Variants in KCNJ5 observed in about 807,000 individuals in gnomAD.
KCNJ5 encodes the protein G protein-activated inward rectifier potassium channel 4.
A neutral mutation model predicts 20.2 loss-of-function variants in KCNJ5; 12 were observed. That is an observed-to-expected ratio of 0.59 (90% CI 0.38 to 0.96). The LOEUF (loss-of-function observed/expected upper bound fraction) is 0.96, where lower values mean the gene tolerates loss of function less well. KCNJ5 is among the 40% of genes least tolerant of loss of function. The probability of loss-of-function intolerance (pLI) is 0.00; values close to 1 mark genes in which losing one functional copy is unlikely to be tolerated. For missense variants in KCNJ5, 449 were observed against 557.6 expected, an observed-to-expected ratio of 0.81 and a Z score of 1.96; for synonymous variants, 210 against 213.9, an observed-to-expected ratio of 0.98 and a Z score of 0.16.
At chr11:128,902,353 A>G (rs1944298914) in intron 1 of KCNJ5, 3 of 660,374 alleles carry the variant, frequency 4.5e-6, no homozygotes, top group Non-Finnish European at 7.7e-6. Flanking sequence ...ATCTCTCCCC[A>G]TTGAGACCAT....
intron 1 of KCNJ5, chr11:128,902,618 C>G (rs1944308093): frequency 6.2e-7 from 1 of 1,613,870 alleles, no homozygotes; most frequent in South Asian, 1.1e-5. Context: ...GCGGCCCTCT[C>G]TACTATCATG....
rs777515831 is a variant in KCNJ5 at position 128,916,674 on chromosome 11, T to G, written c.1203T>G (p.Asn401Lys). ...GGCTGGATGCAGAGGCTGAGCAGAATGAAGAAGATGAGCCCAAGGGGCTGG... is the reference window on the plus strand; with the variant it reads ...GGCTGGATGCAGAGGCTGAGCAGAAGGAAGAAGATGAGCCCAAGGGGCTGG... The part of the protein sequence containing the change: ...EAGLDAEAEQ[N>K]EEDEPKGLGG... The change falls in exon 3 of 3, where the codon AAT becomes AAG. Residue 401 changes from asparagine (N) to lysine (K), a missense_variant. Transcript: ENST00000529694. The G allele has an allele frequency of 1.7e-5, 27 of 1,611,422 alleles. No homozygotes were observed. The highest frequency in any genetic ancestry group is 1.7e-4 in the Middle Eastern group (1 of 6,050).
rs560126752 is a variant in KCNJ5 at position 128,911,860 on chromosome 11, G to T, written c.587G>T (p.Arg196Ile). The T allele has an allele frequency of 6.2e-7, 1 of 1,613,502 alleles. No individual in the cohort carries two copies. Among genetic ancestry groups the T allele is most frequent in the African/African-American group, 1.3e-5 (1 of 75,042 alleles). The change falls in exon 2 of 3, where the codon AGA becomes ATA. Residue 196 changes from arginine (R) to isoleucine (I), a missense_variant. Physicochemically the swap from Arg to Ile is moderately conservative, Grantham distance 97. Coordinates refer to ENST00000529694, the MANE Select transcript of KCNJ5 (RefSeq NM_000890.5). The surrounding 1 kb of genome is among the most constrained non-coding windows in gnomAD (Gnocchi z 6.3). Reference sequence around the variant, plus strand: ...GTCAAGATCAGCCAGCCCAAGAAGAGAGCGGAGACCCTCATGTTTTCCAAC... The same window carrying T: ...GTCAAGATCAGCCAGCCCAAGAAGATAGCGGAGACCCTCATGTTTTCCAAC... ...MFVKISQPKK[R>I]AETLMFSNNA...
At chr11:128,904,445 T>G (rs1344706897) in intron 1 of KCNJ5, 6 of 1,614,180 alleles carry the variant, frequency 3.7e-6, no homozygotes, top group Non-Finnish European at 5.1e-6. Flanking sequence ...TGGAGTCACC[T>G]GGGGCCAGAT....
At chr11:128,904,712 C>T (rs1944365725) in intron 1 of KCNJ5, 2 of 600,030 alleles carry the variant, frequency 3.3e-6, no homozygotes, top group Admixed American at 2.8e-5. Context: ...ATCCCCAGAG[C>T]TCAACATAAT....
chr11:128,915,867 GTGGA>G (rs71057908), intron 2 of KCNJ5, among the ~76,000 whole-genome samples: 114,221 of 149,558 alleles, frequency 0.76, 43,850 homozygotes, highest in African/African-American at 0.86. Flanking sequence ...AGGTAGATGA[GTGGA>G]TGGATGGATG....
chr11:128,891,792 C>T (rs1345571059), intron 1 of KCNJ5, 71 bp downstream of exon 1: 1 of 152,328 alleles, frequency 6.6e-6, no homozygotes, highest in African/African-American at 2.4e-5. Context: ...ATGACACCCT[C>T]AGGTGTCCAT....
rs1215884357 is a variant in KCNJ5, at chr11:128,891,425, CACACACACACACACACAGAGAG to C, written c.-305_-284del. On this transcript the variant is annotated 5_prime_UTR_variant, in exon 1 of 3. Coordinates refer to ENST00000529694, the MANE Select transcript of KCNJ5 (RefSeq NM_000890.5). ...ACACACACACACACACACACACACA[CACACACACACACACACAGAGAG>C]AGAGAGAGAGAGAGAGAGAGAGAGA... The C allele has an allele frequency of 1.9e-5, 2 of 106,478 alleles. No individual in the cohort carries two copies. The highest frequency in any genetic ancestry group is 9.6e-5 in the Admixed American group (1 of 10,462). 6.6% of individuals were successfully genotyped at this position (106,478 alleles called of 1,614,324 possible). A position where few individuals can be genotyped will look rare whatever the true frequency, so the allele number is the denominator to read the frequency against.
rs1184785504 is a variant in KCNJ5, at chr11:128,911,974, T to C, written c.701T>C (p.Ile234Thr). The C allele has an allele frequency of 1.2e-6, 2 of 1,601,954 alleles. No individual in the cohort carries two copies. Among genetic ancestry groups the C allele is most frequent in the Non-Finnish European group, 1.7e-6 (2 of 1,172,258 alleles). The change falls in exon 2 of 3, where the codon ATC (isoleucine) becomes ACC (threonine). Residue 234 changes from isoleucine to threonine, a missense_variant. Ile to Thr is a moderately conservative substitution (Grantham distance 89). Transcript: ENST00000529694. This position sits in a 1 kb window ranked among gnomAD's most constrained non-coding sequence, Gnocchi z 6.3. ...AACTCCCACATCGTGGAGGCCTCCA[T>C]CCGGGCCAAGCTCATCAAGTCCCGG... ...LRNSHIVEASIRAKLIKSRQT... is the reference protein window; with the variant it reads ...LRNSHIVEASTRAKLIKSRQT...
At chr11:128,900,796 C>T (rs1218155831) in intron 1 of KCNJ5, 4 of 152,242 alleles carry the variant, frequency 2.6e-5, no homozygotes, top group Admixed American at 6.5e-5. Context: ...TAGGATTCTC[C>T]TGAGCCAACA....
chr11:128,893,035 T>C (rs1006543938), intron 1 of KCNJ5, among the ~76,000 whole-genome samples: 38 of 152,238 alleles, frequency 2.5e-4, no homozygotes, highest in African/African-American at 8.9e-4. Flanking sequence ...TCCACATCCC[T>C]GCTTTTCCTC....
chr11:128,891,852 G>C (rs1264186422), intron 1 of KCNJ5, 131 bp downstream of exon 1: 2 of 152,286 alleles, frequency 1.3e-5, no homozygotes, highest in Non-Finnish European at 2.9e-5. Context: ...GGGAGCCAGG[G>C]GGGATAAGGA....
At position 128,917,009 on chromosome 11, in the gene KCNJ5, C is replaced by T. The variant is rs753815701; in HGVS notation, c.*278C>T. 10 of 397,978 alleles carry T rather than the reference C, an allele frequency of 2.5e-5. No homozygotes were observed. Among genetic ancestry groups the T allele is most frequent in the African/African-American group, 1.4e-4 (7 of 49,574 alleles). 24.7% of individuals were successfully genotyped at this position (397,978 alleles called of 1,614,324 possible). On this transcript the variant is annotated 3_prime_UTR_variant, in exon 3 of 3. Coordinates refer to ENST00000529694, the MANE Select transcript of KCNJ5 (RefSeq NM_000890.5). ...TGAGTTTCCCCATGGTGAATGTTAC[C>T]GGATGGCATCTGTTCTCTCCATGCC...
At chr11:128,905,063 C>T (rs1944375089) in intron 1 of KCNJ5, among the ~76,000 whole-genome samples, 1 of 152,242 alleles carries the variant, frequency 6.6e-6, no homozygotes, top group Admixed American at 6.5e-5. Context: ...GCTGGGAAAC[C>T]AGGACTGGCC....
chr11:128,895,778 G>A (rs1381647144), intron 1 of KCNJ5, among the ~76,000 whole-genome samples: 2 of 152,256 alleles, frequency 1.3e-5, no homozygotes, highest in Admixed American at 1.3e-4. Flanking sequence ...GCGCCCTTAG[G>A]GAGAGGCACA....
chr11:128,893,518 C>T (rs888982790), intron 1 of KCNJ5, among the ~76,000 whole-genome samples: 2 of 152,284 alleles, frequency 1.3e-5, no homozygotes, highest in South Asian at 2.1e-4. Flanking sequence ...CCCAGAACAA[C>T]GTTCTAGACC....
rs376640553 is a variant in KCNJ5, at chr11:128,891,439, C to A, written c.-293C>A. On this transcript the variant is annotated 5_prime_UTR_variant, in exon 1 of 3. Coordinates refer to ENST00000529694, the MANE Select transcript of KCNJ5 (RefSeq NM_000890.5). The stretch of plus-strand genomic sequence containing the variant: ...ACACACACACACACACACACACACA[C>A]ACAGAGAGAGAGAGAGAGAGAGAGA... 7.3e-5 allele frequency: 5 copies of A among 68,776 alleles called. No individual in the cohort carries two copies. The East Asian group carries it at 1.6e-3, about 23-fold the overall frequency. 4.3% of individuals were successfully genotyped at this position (68,776 alleles called of 1,614,324 possible).
rs7118824 is a variant in KCNJ5 at position 128,912,083 on chromosome 11, T to A, written c.810T>A (p.Leu270=). ...ACACGGGCGACGACCGCCTCTTCCT[T>A]GTGTCTCCTCTGATCATCTCCCATG... The part of the protein sequence containing the change: ...GFDTGDDRLF[L]VSPLIISHEI... The change falls in exon 2 of 3, where the codon CTT becomes CTA. Residue 270 remains leucine (L), a synonymous_variant. Transcript: ENST00000529694. The A allele has an allele frequency of 6.2e-7, 1 of 1,613,410 alleles. No homozygotes were observed. Among genetic ancestry groups the A allele is most frequent in the African/African-American group, 1.3e-5 (1 of 74,876 alleles).
At chr11:128,916,330 A>G in intron 2 of KCNJ5, 79 bp from the exon 3 acceptor site, 2 of 1,081,366 alleles carry the variant, frequency 1.8e-6, no homozygotes, top group Non-Finnish European at 1.4e-6. Context: ...GGATGGATGG[A>G]TTGATGGATG....
Sources: allele counts gnomAD v4.1 joint callset (sites outside exome capture counted in the v4.1 genomes callset), GRCh38; gene constraint gnomAD v4.1.1; non-coding constraint Gnocchi (gnomAD v3.1); transcripts MANE v1.5; gene names NCBI Gene and HGNC (gene_info 2026-07-23, HGNC 2026-07-21).